CPAMD8: variants seen among roughly 807,000 people sequenced by gnomAD.
CPAMD8 encodes C3 and PZP-like alpha-2-macroglobulin domain-containing protein 8.
CPAMD8 carries 146 observed loss-of-function variants against 224.7 expected under a neutral mutation model. The observed-to-expected ratio is 0.65, with a 90% confidence interval of 0.57 to 0.75. The LOEUF is 0.75. Ranked by LOEUF, CPAMD8 falls within the 30% of genes least tolerant of loss-of-function variation. CPAMD8 has a pLI of 0.00. For synonymous variants in CPAMD8, 966 were observed against 1,044.6 expected (o/e 0.92, Z 1.45); for missense variants, 2,301 against 2,537.5 (o/e 0.91, Z 2.00).
intron 2 of CPAMD8, among the ~76,000 whole-genome samples, chr19:17,020,885 C>T (rs2056935776): frequency 6.6e-6 from 1 of 152,184 alleles, no homozygotes; most frequent in South Asian, 2.1e-4. Context: ...CTAACAGATC[C>T]TCAATTTCCT....
chr19:16,896,052 G>A, intron 41 of CPAMD8, 124 bp downstream of exon 41: 3 of 1,076,582 alleles, frequency 2.8e-6, no homozygotes, highest in Non-Finnish European at 4.2e-6. Flanking sequence ...CACTCCCACT[G>A]CCAGTGGGGG....
At chr19:16,987,488 ATTTT>A (rs570656142) in intron 13 of CPAMD8, among the ~76,000 whole-genome samples, 4 of 151,208 alleles carry the variant, frequency 2.6e-5, no homozygotes, top group Non-Finnish European at 5.9e-5. Context: ...CTTCTTTATG[ATTTT>A]TTTTACCTGC....
intron 12 of CPAMD8, among the ~76,000 whole-genome samples, chr19:16,990,387 G>A (rs942573707): frequency 2.0e-5 from 3 of 151,976 alleles, no homozygotes; most frequent in African/African-American, 7.3e-5. Flanking sequence ...TTCAAGACCA[G>A]CCTGGGCAAT....
chr19:17,010,097 G>A (rs2056606038), intron 5 of CPAMD8, among the ~76,000 whole-genome samples: 1 of 152,064 alleles, frequency 6.6e-6, no homozygotes, highest in African/African-American at 2.4e-5. Flanking sequence ...ATGATCAAAT[G>A]CAACAAATGA....
rs1034952037 is a variant in CPAMD8 at position 16,949,021 on chromosome 19, AAAAG to A, written c.2509-1798_2509-1795del. Among the ~76,000 whole-genome samples the A allele has an allele frequency of 7.2e-5, 10 of 139,822 alleles. No individual in the cohort carries two copies. In the East Asian group the frequency reaches 7.4e-4, roughly 10 times the overall value. 91.7% of individuals were successfully genotyped at this position (139,822 alleles called of 152,430 possible). On this transcript the variant is annotated intron_variant, in intron 20 of 41. Transcript: ENST00000443236. Reference sequence around the variant, plus strand: ...GAGAGAGAAAAGAAAAGAAAGAAAGAAAAGAAAGAAAGAAGGAAGGAAGGACGGG... The same window carrying A: ...GAGAGAGAAAAGAAAAGAAAGAAAGAAAAGAAAGAAGGAAGGAAGGACGGG...
chr19:16,975,400 G>T, intron 16 of CPAMD8, 142 bp from the exon 17 acceptor site: 1 of 670,588 alleles, frequency 1.5e-6, no homozygotes, highest in Non-Finnish European at 2.6e-6. Context: ...GGTAGCATCA[G>T]CCCATTTTAA....
At chr19:16,904,145 C>T in intron 32 of CPAMD8, 81 bp downstream of exon 32, 1 of 1,445,042 alleles carries the variant, frequency 6.9e-7, no homozygotes, top group African/African-American at 1.4e-5. Flanking sequence ...ACTGCCTGGC[C>T]ACCTCAGAGC....
chr19:17,026,776 G>T lies in CPAMD8; in HGVS notation c.-134C>A. On this transcript the variant is annotated 5_prime_UTR_variant, in exon 1 of 42. Coordinates refer to ENST00000443236, the MANE Select transcript of CPAMD8 (RefSeq NM_015692.5). ...TTCGCAGCCCCCGCGCAGTGCGCCC[G>T]GCGCCATGCGCCCCGCTCCGCGCCC... 1 of 1,143,184 alleles carries T rather than the reference G, an allele frequency of 8.7e-7. No homozygotes were observed. Among genetic ancestry groups the T allele is most frequent in the Non-Finnish European group, 1.1e-6 (1 of 932,362 alleles). 70.8% of individuals were successfully genotyped at this position (1,143,184 alleles called of 1,614,324 possible).
At chr19:16,955,701 G>C (rs1458789368) in intron 19 of CPAMD8, among the ~76,000 whole-genome samples, 1 of 152,070 alleles carries the variant, frequency 6.6e-6, no homozygotes, top group East Asian at 1.9e-4. Flanking sequence ...TTTTGAGACA[G>C]GGTCTCACTC....
Position 16,938,437 on chromosome 19 carries a change from C to G in CPAMD8, c.2803G>C (p.Val935Leu), listed in dbSNP as rs764696406. 5 of 1,576,194 alleles carry G rather than the reference C, an allele frequency of 3.2e-6. No homozygotes were observed. Among genetic ancestry groups the G allele is most frequent in the Non-Finnish European group, 4.3e-6 (5 of 1,161,840 alleles). The change falls in exon 23 of 42, where the codon GTC (valine) becomes CTC (leucine). Residue 935 changes from valine to leucine, a missense_variant. Physicochemically the swap from Val to Leu is conservative, Grantham distance 32 (BLOSUM62 1). This residue lies in a region of CPAMD8 where 1,709 missense variants were observed against 1,753.2 expected (regional missense o/e 0.97). Transcript: ENST00000443236. ...GCGCTGTAGGTGTACGCCCGGGGGACTCCTTCCGCCTGAAACAAAGAAACA... is the reference window on the plus strand; with the variant it reads ...GCGCTGTAGGTGTACGCCCGGGGGAGTCCTTCCGCCTGAAACAAAGAAACA... ...RRSVMVEAEGVPRAYTYSAFF... is the reference protein window; with the variant it reads ...RRSVMVEAEGLPRAYTYSAFF...
intron 35 of CPAMD8, among the ~76,000 whole-genome samples, chr19:16,902,071 C>T (rs1339529162): frequency 2.0e-5 from 3 of 152,060 alleles, no homozygotes; most frequent in Non-Finnish European, 2.9e-5. Flanking sequence ...CCGCTGCGGC[C>T]GGGTCCCAGG....
At chr19:16,960,772 CAGG>C (rs1301791460) in intron 18 of CPAMD8, among the ~76,000 whole-genome samples, 4 of 151,602 alleles carry the variant, frequency 2.6e-5, no homozygotes, top group Non-Finnish European at 5.9e-5. Context: ...TTTGGTGGTG[CAGG>C]CCTGTAATCC....
chr19:17,009,113 C>A, intron 6 of CPAMD8, 190 bp downstream of exon 6: 3 of 792,796 alleles, frequency 3.8e-6, no homozygotes, highest in Non-Finnish European at 4.0e-6. Flanking sequence ...AAAAAGGAAA[C>A]GGACAGACAC....
chr19:16,979,026 ATCATCCAC>A (rs1452136692), intron 14 of CPAMD8, among the ~76,000 whole-genome samples: 2 of 149,402 alleles, frequency 1.3e-5, no homozygotes, highest in African/African-American at 2.5e-5. Flanking sequence ...TCATCCATCC[ATCATCCAC>A]TCATCCACCC....
At chr19:16,988,604 C>T (rs1276198027) in intron 13 of CPAMD8, among the ~76,000 whole-genome samples, 1 of 150,904 alleles carries the variant, frequency 6.6e-6, no homozygotes, top group Non-Finnish European at 1.5e-5. Context: ...AGTGAGACTC[C>T]ACCTCAAAAA....
intron 25 of CPAMD8, among the ~76,000 whole-genome samples, chr19:16,926,332 A>ATTTTATTTTATTTTATTTTATTTT (rs1568483807): frequency 1.5e-5 from 2 of 130,298 alleles, no homozygotes; most frequent in African/African-American, 8.5e-5. Flanking sequence ...TATTTTATTT[A>ATTTTATTTTATTTTATTTTATTTT]TTTTTAGATG....
rs775471987 is a variant in CPAMD8, at chr19:16,897,869, G to T, written c.4954+20C>A. 40 of 1,594,250 alleles carry T rather than the reference G, an allele frequency of 2.5e-5. No homozygotes were observed. Among genetic ancestry groups the T allele is most frequent in the Non-Finnish European group, 3.3e-5 (39 of 1,170,852 alleles). The stretch of plus-strand genomic sequence containing the variant: ...GGTCAGGGACCGGGCCGGGCCGGGG[G>T]TGCGGGCGCGCGGGCCTACCGGGTT... On this transcript the variant is annotated intron_variant, in intron 38 of 41. Coordinates refer to ENST00000443236, the MANE Select transcript of CPAMD8 (RefSeq NM_015692.5).
intron 2 of CPAMD8, among the ~76,000 whole-genome samples, chr19:17,020,631 C>G (rs2056929670): frequency 6.6e-6 from 1 of 152,176 alleles, no homozygotes; most frequent in Non-Finnish European, 1.5e-5. Flanking sequence ...TACTTCACCC[C>G]TGGCTCCTGT....
Position 16,928,131 on chromosome 19 carries a change from G to A in CPAMD8, c.3248C>T (p.Ser1083Phe). Residue 1083 changes from serine to phenylalanine, a missense_variant, in exon 25 of 42, where the codon TCC (serine) becomes TTC (phenylalanine). Ser to Phe is a radical substitution (Grantham distance 155). This residue lies in a region of CPAMD8 where 1,709 missense variants were observed against 1,753.2 expected (regional missense o/e 0.97). Transcript: ENST00000443236. ...CCTCCAGATTCGGAATTCACCCATG[G>A]AGCCCCAGCCGGTGGAAAAGCCAAT... ...QFIGFSTGWG[S>F]MGEFRIWRKM... 6.2e-7 allele frequency: 1 copy of A among 1,614,088 alleles called. No individual in the cohort carries two copies. Among genetic ancestry groups the A allele is most frequent in the East Asian group, 2.2e-5 (1 of 44,886 alleles).
Sources: gnomAD v4.1 joint callset for allele counts (sites outside exome capture counted in the v4.1 genomes callset) on GRCh38, gnomAD v4.1.1 for gene constraint, gnomAD v4.1.1 regional missense constraint, MANE v1.5 for transcripts, NCBI Gene and HGNC (gene_info 2026-07-23, HGNC 2026-07-21) for gene names.